XPO6: variants seen among roughly 807,000 people sequenced by gnomAD.
XPO6 encodes exportin-6.
XPO6 carries 3 observed loss-of-function variants against 130.0 expected under a neutral mutation model. The ratio of observed to expected loss-of-function variants is 0.02; its 90% CI spans 0.01 to 0.06. The LOEUF is 0.06. Ranked by LOEUF, XPO6 falls within the 10% of genes least tolerant of loss-of-function variation. The pLI, the probability that XPO6 is intolerant of heterozygous loss-of-function variation, is 1.00. For missense variants in XPO6, 970 were observed against 1,393.0 expected (o/e 0.70, Z 4.83); for synonymous variants, 524 against 548.9 (o/e 0.95, Z 0.63).
At position 28,101,888 on chromosome 16, in the gene XPO6, A is replaced by G. The variant is rs1361286256; in HGVS notation, c.3004T>C (p.Tyr1002His). 6.2e-7 allele frequency: 1 copy of G among 1,614,078 alleles called. No individual in the cohort carries two copies. Among genetic ancestry groups the G allele is most frequent in the Admixed American group, 1.7e-5 (1 of 60,008 alleles). The change falls in exon 22 of 24, where the codon TAC (tyrosine) becomes CAC (histidine). Residue 1002 changes from tyrosine to histidine, a missense_variant. Physicochemically the swap from Tyr to His is moderately conservative, Grantham distance 83. Transcript: ENST00000304658. This position sits in a 1 kb window ranked among gnomAD's most constrained non-coding sequence, Gnocchi z 5.4. Reference sequence around the variant, plus strand: ...TGCTTGGTGTTGAGAGTCTCCAAGTAGAAGAGATTTTGTTTAAAAAGGTGG... The same window carrying G: ...TGCTTGGTGTTGAGAGTCTCCAAGTGGAAGAGATTTTGTTTAAAAAGGTGG... ...DIHLFKQNLF[Y>H]LETLNTKQKL...
intron 1 of XPO6, among the ~76,000 whole-genome samples, chr16:28,181,723 C>A (rs2141873212): frequency 6.6e-6 from 1 of 152,238 alleles, no homozygotes; most frequent in Middle Eastern, 3.4e-3. Flanking sequence ...AGGAGTCATA[C>A]AGTCAATTCT....
intron 8 of XPO6, among the ~76,000 whole-genome samples, chr16:28,146,914 G>A (rs2042993051): frequency 6.6e-6 from 1 of 152,048 alleles, no homozygotes; most frequent in Admixed American, 6.5e-5. Context: ...AGGGCTCTGA[G>A]ACTCTATTTC....
Position 28,157,443 on chromosome 16 carries a change from G to A in XPO6, c.644-916C>T, listed in dbSNP as rs568000407. 1.7e-3 allele frequency among the ~76,000 whole-genome samples: 262 copies of A among 151,978 alleles called. 10 individuals carry two copies. In the South Asian group the frequency reaches 0.052, roughly 30 times the overall value. On this transcript the variant is annotated intron_variant, in intron 6 of 23. Coordinates refer to ENST00000304658, the MANE Select transcript of XPO6 (RefSeq NM_015171.4). ...GCACTCCAGCCTGGGCATCAAGAGCGAAACTCCATCTCAAAAAATAAAAAA... is the reference window on the plus strand; with the variant it reads ...GCACTCCAGCCTGGGCATCAAGAGCAAAACTCCATCTCAAAAAATAAAAAA...
chr16:28,107,420 A>G, intron 18 of XPO6, 102 bp downstream of exon 18: 1 of 1,365,528 alleles, frequency 7.3e-7, no homozygotes, highest in Non-Finnish European at 1.0e-6. Context: ...GGAACAAGTC[A>G]AGGCCTGTAC....
chr16:28,197,937 AATTGTTCAGACTACATCTAAGTTTATT>A (rs1455086307), intron 1 of XPO6, among the ~76,000 whole-genome samples: 1 of 142,874 alleles, frequency 7.0e-6, no homozygotes, highest in South Asian at 2.2e-4. Flanking sequence ...AAAAAAAAAA[AATTGTTCAGACTACATCTAAGTTTATT>A]AAAAAAAAAA....
At position 28,180,677 on chromosome 16, in the gene XPO6, G is replaced by GA. The variant is rs1440590896; in HGVS notation, c.94+263dup. Among the ~76,000 whole-genome samples, 16 of 151,864 alleles carry GA rather than the reference G, an allele frequency of 1.1e-4. No individual in the cohort carries two copies. In the South Asian group the frequency reaches 3.3e-3, roughly 32 times the overall value. ...CAAGACCCTGTCCCACCCCACCCTAGACGCCCCCACCAAAAAGTCGCAGGC... is the reference window on the plus strand; with the variant it reads ...CAAGACCCTGTCCCACCCCACCCTAGAACGCCCCCACCAAAAAGTCGCAGGC... On this transcript the variant is annotated intron_variant, in intron 2 of 23. Transcript: ENST00000304658.
At chr16:28,102,044 T>G in intron 21 of XPO6, 99 bp from the exon 22 acceptor site, 2 of 946,168 alleles carry the variant, frequency 2.1e-6, no homozygotes, top group Non-Finnish European at 1.6e-6. Context: ...AGGGTACCCA[T>G]TGTCTTGATG....
chr16:28,099,824 C>A (rs1320437220), intron 23 of XPO6, among the ~76,000 whole-genome samples: 1 of 152,168 alleles, frequency 6.6e-6, no homozygotes, highest in Admixed American at 6.5e-5. Context: ...ACACACAGTG[C>A]GTGACTGAAT....
intron 1 of XPO6, among the ~76,000 whole-genome samples, chr16:28,191,786 G>C (rs1369453705): frequency 6.6e-6 from 1 of 152,202 alleles, no homozygotes; most frequent in Non-Finnish European, 1.5e-5. Context: ...TAATGAATGA[G>C]TATGAAACTG....
chr16:28,211,441 G>T lies in XPO6; in HGVS notation c.-73C>A. ...GACACGTCCCGCTCGCACAGTTCAG[G>T]TCATGGTCCCGGCAGACTCGGGAAG... On this transcript the variant is annotated 5_prime_UTR_variant, in exon 1 of 24. Coordinates refer to ENST00000304658, the MANE Select transcript of XPO6 (RefSeq NM_015171.4). 1 of 1,305,072 alleles carries T rather than the reference G, an allele frequency of 7.7e-7. No homozygotes were observed. Among genetic ancestry groups the T allele is most frequent in the Non-Finnish European group, 9.8e-7 (1 of 1,017,598 alleles). The allele number at this position is 1,305,072 out of a possible 1,614,324, so 80.8% of individuals were successfully genotyped here.
At chr16:28,150,567 G>C (rs1244512771) in intron 8 of XPO6, among the ~76,000 whole-genome samples, 1 of 152,006 alleles carries the variant, frequency 6.6e-6, no homozygotes, top group Non-Finnish European at 1.5e-5. Flanking sequence ...AAACTTTTGG[G>C]TCCAATCCAA....
At chr16:28,160,274 C>T (rs547019802) in intron 6 of XPO6, among the ~76,000 whole-genome samples, 63 of 149,222 alleles carry the variant, frequency 4.2e-4, no homozygotes, top group Admixed American at 4.1e-3. Context: ...GAGGCTGAAG[C>T]GGATAAATCA....
Position 28,133,860 on chromosome 16 carries a change from G to A in XPO6, c.1517C>T (p.Thr506Met), listed in dbSNP as rs759470184. ...VVAKVMELLPTHAFSTLFPVL... is the reference protein window; with the variant it reads ...VVAKVMELLPMHAFSTLFPVL... ...CATTACCAGTGTGGAGAAGGCGTGC[G>A]TGGGCAGGAGCTCCATCACTTTGGC... The change falls in exon 11 of 24, where the codon ACG becomes ATG. Residue 506 changes from threonine to methionine, a missense_variant. Thr to Met is a moderately conservative substitution (Grantham distance 81). Coordinates refer to ENST00000304658, the MANE Select transcript of XPO6 (RefSeq NM_015171.4). 23 of 1,613,980 alleles carry A rather than the reference G, an allele frequency of 1.4e-5. No individual in the cohort carries two copies. Among genetic ancestry groups the A allele is most frequent in the Admixed American group, 3.3e-5 (2 of 60,000 alleles).
intron 6 of XPO6, among the ~76,000 whole-genome samples, chr16:28,161,675 T>C (rs1221395518): frequency 1.3e-5 from 2 of 152,176 alleles, no homozygotes; most frequent in South Asian, 2.1e-4. Context: ...AAACTATATA[T>C]GCATATTCTC....
rs542657965 is a variant in XPO6, at chr16:28,169,962, G to A, written c.406-53C>T. 2.0e-5 allele frequency: 32 copies of A among 1,599,600 alleles called. No homozygotes were observed. In the South Asian group the frequency reaches 3.0e-4, roughly 15 times the overall value. On this transcript the variant is annotated intron_variant, in intron 4 of 23. Coordinates refer to ENST00000304658, the MANE Select transcript of XPO6 (RefSeq NM_015171.4). The stretch of plus-strand genomic sequence containing the variant: ...GAGTGTTGGACTAATAAAGTACAAA[G>A]AGGACTCAGTAGCATTAAAGCTATG...
At chr16:28,142,132 G>C (rs1262045760) in intron 9 of XPO6, among the ~76,000 whole-genome samples, 1 of 152,214 alleles carries the variant, frequency 6.6e-6, no homozygotes, top group African/African-American at 2.4e-5. Flanking sequence ...TCCCATTTAA[G>C]ACAGCAAGAA....
chr16:28,122,688 G>A (rs897438287), intron 13 of XPO6, among the ~76,000 whole-genome samples: 3 of 151,940 alleles, frequency 2.0e-5, no homozygotes, highest in Admixed American at 6.5e-5. Flanking sequence ...ATAGGATGAC[G>A]TGGGCTTTTC....
At chr16:28,133,770 G>C in intron 11 of XPO6, 71 bp downstream of exon 11, 1 of 1,414,036 alleles carries the variant, frequency 7.1e-7, no homozygotes, top group Non-Finnish European at 9.9e-7. Context: ...AGAGATCCAG[G>C]GGAGTCAACC....
At chr16:28,114,289 A>T (rs1237742098) in intron 15 of XPO6, among the ~76,000 whole-genome samples, 1 of 152,202 alleles carries the variant, frequency 6.6e-6, no homozygotes, top group Non-Finnish European at 1.5e-5. Flanking sequence ...TGTTAGGCAA[A>T]AGCAGCTATA....
Sources: allele counts gnomAD v4.1 joint callset (sites outside exome capture counted in the v4.1 genomes callset), GRCh38; gene constraint gnomAD v4.1.1; non-coding constraint Gnocchi (gnomAD v3.1); transcripts MANE v1.5; gene names NCBI Gene and HGNC (gene_info 2026-07-23, HGNC 2026-07-21).